NFIB: variants seen among roughly 807,000 people sequenced by gnomAD.
The protein encoded by NFIB is nuclear factor 1 B-type.
A neutral mutation model predicts 61.5 loss-of-function variants in NFIB; 11 were observed. The ratio of observed to expected loss-of-function variants is 0.18; its 90% CI spans 0.11 to 0.30. The LOEUF (loss-of-function observed/expected upper bound fraction) is 0.30. Among genes scored for constraint, NFIB ranks in the 10% least tolerant of loss-of-function variants. The pLI, the probability that NFIB is intolerant of heterozygous loss-of-function variation, is 1.00. For synonymous variants in NFIB, 260 were observed against 216.5 expected, an observed-to-expected ratio of 1.20 and a Z score of -1.76; for missense variants, 471 against 608.9, an observed-to-expected ratio of 0.77 and a Z score of 2.38.
the NFIB span, among the ~76,000 whole-genome samples, chr9:14,442,446 G>T: frequency 6.6e-3 from 1,012 of 152,248 alleles, 9 homozygotes; most frequent in African/African-American, 0.023. Flanking sequence ...GTATTAGTCC[G>T]CTAGGGCCGC....
intron 1 of NFIB, among the ~76,000 whole-genome samples, chr9:14,348,062 T>TG (rs1249908154): frequency 6.6e-6 from 1 of 152,144 alleles, no homozygotes; most frequent in Non-Finnish European, 1.5e-5. Flanking sequence ...GCATTTATGC[T>TG]GGGGGCGGAA....
chr9:14,440,725 T>C, the NFIB span, among the ~76,000 whole-genome samples: 7 of 152,222 alleles, frequency 4.6e-5, no homozygotes, highest in African/African-American at 1.7e-4. Context: ...AACTGGATAA[T>C]GCAATGAAAT....
At chr9:14,324,036 G>A (rs1175603616) in intron 1 of NFIB, among the ~76,000 whole-genome samples, 1 of 152,210 alleles carries the variant, frequency 6.6e-6, no homozygotes, top group Non-Finnish European at 1.5e-5. Context: ...ATACAGCTTG[G>A]AGAAGGGGAA....
intron 2 of NFIB, among the ~76,000 whole-genome samples, chr9:14,246,646 T>G (rs1028079036): frequency 6.6e-6 from 1 of 152,216 alleles, no homozygotes; most frequent in African/African-American, 2.4e-5. Context: ...TAATTTCCAA[T>G]TACTTTCCCC....
chr9:14,412,294 C>A, the NFIB span, among the ~76,000 whole-genome samples: 1 of 152,152 alleles, frequency 6.6e-6, no homozygotes, highest in East Asian at 1.9e-4. Context: ...TCCCATTGAA[C>A]AATTTACGCT....
At chr9:14,373,256 G>C (rs1385110082) in intron 1 of NFIB, among the ~76,000 whole-genome samples, 1 of 152,190 alleles carries the variant, frequency 6.6e-6, no homozygotes, top group African/African-American at 2.4e-5. Flanking sequence ...ATGTACACCT[G>C]GGAATTCTTT....
chr9:14,177,765 A>G (rs149012918), intron 3 of NFIB, among the ~76,000 whole-genome samples: 2 of 152,304 alleles, frequency 1.3e-5, no homozygotes, highest in East Asian at 3.8e-4. Flanking sequence ...GGAAAATTTA[A>G]AAGGGAAAAA....
chr9:14,293,295 G>A (rs2059216699), intron 2 of NFIB, among the ~76,000 whole-genome samples: 1 of 152,156 alleles, frequency 6.6e-6, no homozygotes, highest in South Asian at 2.1e-4. Flanking sequence ...CAGGCACATG[G>A]TCGAAAATGG....
chr9:14,102,140 T>C (rs1251992004), intron 10 of NFIB, among the ~76,000 whole-genome samples: 1 of 152,136 alleles, frequency 6.6e-6, no homozygotes. Flanking sequence ...AATCTAAATG[T>C]CACATTCCAC....
chr9:14,226,773 C>T (rs1000975328), intron 2 of NFIB, among the ~76,000 whole-genome samples: 1 of 152,036 alleles, frequency 6.6e-6, no homozygotes, highest in Non-Finnish European at 1.5e-5. Context: ...TTAAAATCAC[C>T]TTTTTTGTTT....
At chr9:14,153,692 T>C (rs568428011) in intron 4 of NFIB, among the ~76,000 whole-genome samples, 5 of 152,246 alleles carry the variant, frequency 3.3e-5, no homozygotes, top group Admixed American at 2.0e-4. Flanking sequence ...GGTCTTATGA[T>C]TGTAAAACCC....
chr9:14,300,375 GT>G, intron 2 of NFIB: 1 of 396,324 alleles, frequency 2.5e-6, no homozygotes, highest in East Asian at 3.6e-5. Flanking sequence ...TGAACATTAT[GT>G]TGGCTAATCA....
chr9:14,148,243 C>A (rs567165945), intron 5 of NFIB, among the ~76,000 whole-genome samples: 2 of 151,980 alleles, frequency 1.3e-5, no homozygotes, highest in African/African-American at 4.8e-5. Flanking sequence ...CTACCACAGC[C>A]GCCCAAATAG....
At chr9:14,314,151 GC>G, upstream of NFIB, 3 of 1,012,546 alleles carry the variant, frequency 3.0e-6, no homozygotes, top group Non-Finnish European at 3.5e-6. Flanking sequence ...CGCGCGGGTG[GC>G]GGGGCGCGCG....
In NFIB at chr9:14,088,330, T is replaced by C. The variant is rs761012162; in HGVS notation, c.1468-4A>G. 2 of 1,547,348 alleles carry C rather than the reference T, an allele frequency of 1.3e-6. No individual in the cohort carries two copies. The highest frequency in any genetic ancestry group is 1.8e-5 in the Admixed American group (1 of 56,108). ...CAAGCTAGCCCAGGTACCAGGACTG[T>C]TGAGAGGAGAGAGGCAGCAGGGAGG... On this transcript the variant is annotated splice_polypyrimidine_tract_variant and splice_region_variant and intron_variant, in intron 10 of 10. Coordinates refer to ENST00000380953, the MANE Select transcript of NFIB (RefSeq NM_001190737.2).
the NFIB span, among the ~76,000 whole-genome samples, chr9:14,475,646 T>A: frequency 6.6e-6 from 1 of 152,096 alleles, no homozygotes; most frequent in Admixed American, 6.6e-5. Flanking sequence ...CAATGACATG[T>A]CCCATCTCCT....
At chr9:14,503,659 T>A in the NFIB span, among the ~76,000 whole-genome samples, 1 of 152,164 alleles carries the variant, frequency 6.6e-6, no homozygotes, top group Non-Finnish European at 1.5e-5. Context: ...TTTAGCCCAC[T>A]TTTTGTTGGG....
intron 8 of NFIB, among the ~76,000 whole-genome samples, chr9:14,119,871 C>A (rs2038700861): frequency 6.6e-6 from 1 of 152,056 alleles, no homozygotes; most frequent in African/African-American, 2.4e-5. Flanking sequence ...AATGAATCCC[C>A]AAAACCACTG....
chr9:14,086,381 TA>T lies in NFIB; in HGVS notation c.*1927del, dbSNP rs758063476. ...AACAAACAAACAAAAAAGCATACAT[TA>T]TTTTTTTTTTAAATCTGTGTACTTA... On this transcript the variant is annotated 3_prime_UTR_variant, in exon 11 of 11. Coordinates refer to ENST00000380953, the MANE Select transcript of NFIB (RefSeq NM_001190737.2). 57 of 217,580 alleles carry T rather than the reference TA, an allele frequency of 2.6e-4. No individual in the cohort carries two copies. Among genetic ancestry groups the T allele is most frequent in the Admixed American group, 1.3e-3 (22 of 16,348 alleles). The allele number at this position is 217,580 out of a possible 1,614,324, so 13.5% of individuals were successfully genotyped here. A position where few individuals can be genotyped will look rare whatever the true frequency, so the allele number is the denominator to read the frequency against.
Sources: allele counts gnomAD v4.1 joint callset (sites outside exome capture counted in the v4.1 genomes callset), GRCh38; gene constraint gnomAD v4.1.1; transcripts MANE v1.5; gene names NCBI Gene and HGNC (gene_info 2026-07-23, HGNC 2026-07-21).